IREB2: variants seen among roughly 807,000 people sequenced by gnomAD.
The protein encoded by IREB2 is iron-responsive element-binding protein 2.
Under a neutral mutation model 118.8 loss-of-function variants are expected in IREB2, and 39 were observed. The observed-to-expected ratio is 0.33, with a 90% CI of 0.25 to 0.43. The LOEUF (loss-of-function observed/expected upper bound fraction) is 0.43, where lower values mean the gene tolerates loss of function less well. Ranked by LOEUF, IREB2 falls within the 20% of genes least tolerant of loss-of-function variation. The pLI is 1.00. For synonymous variants in IREB2, 372 were observed against 392.2 expected, an observed-to-expected ratio of 0.95 and a Z score of 0.61; for missense variants, 900 against 1,147.3, an observed-to-expected ratio of 0.78 and a Z score of 3.11.
At position 78,488,704 on chromosome 15, in the gene IREB2, A is replaced by T. The variant is rs763167285; in HGVS notation, c.2009A>T (p.Glu670Val). The change falls in exon 16 of 22, where the codon GAA (glutamate) becomes GTA (valine). Residue 670 changes from glutamate (E) to valine (V), a missense_variant. Glu to Val is a moderately radical substitution (Grantham distance 121). Transcript: ENST00000258886. ...YLHDIWPSRE[E>V]VHRVEEEHVI... ...CATGATATTTGGCCTAGTCGAGAAG[A>T]AGTTCATCGAGTAGAGGAAGAACAT... is the stretch of plus-strand genomic sequence containing the variant. 1 of 1,606,328 alleles carries T rather than the reference A, an allele frequency of 6.2e-7. No individual in the cohort carries two copies. Among genetic ancestry groups the T allele is most frequent in the African/African-American group, 1.3e-5 (1 of 74,768 alleles).
At chr15:78,457,402 A>C (rs763085680) in intron 2 of IREB2, among the ~76,000 whole-genome samples, 2 of 152,136 alleles carry the variant, frequency 1.3e-5, no homozygotes, top group Non-Finnish European at 2.9e-5. Flanking sequence ...CTCTGATTTT[A>C]TAGAGCATGT....
At chr15:78,446,859 T>C (rs138745487) in intron 2 of IREB2, among the ~76,000 whole-genome samples, 13 of 149,388 alleles carry the variant, frequency 8.7e-5, no homozygotes, top group Middle Eastern at 3.4e-3. Flanking sequence ...TGTTGTATAG[T>C]GTTAGCAAAG....
chr15:78,482,104 C>T (rs2051584415), intron 10 of IREB2, among the ~76,000 whole-genome samples: 2 of 152,092 alleles, frequency 1.3e-5, no homozygotes, highest in Non-Finnish European at 2.9e-5. Context: ...GTGGCGCATG[C>T]CTGTAGTCCC....
chr15:78,478,708 A>C (rs1306298874), intron 10 of IREB2, among the ~76,000 whole-genome samples: 1 of 152,184 alleles, frequency 6.6e-6, no homozygotes, highest in East Asian at 1.9e-4. Flanking sequence ...TTGTGTCAAA[A>C]AGGAAAAAAA....
At position 78,490,741 on chromosome 15, in the gene IREB2, T is replaced by G. The variant is rs112562245; in HGVS notation, c.2304T>G (p.Ala768=). The G allele has an allele frequency of 1.5e-5, 25 of 1,614,026 alleles. No homozygotes were observed. The African/African-American group carries it at 2.8e-4, about 18-fold the overall frequency. The change falls in exon 18 of 22, where the codon GCT becomes GCG. Residue 768 remains alanine, a synonymous_variant. Transcript: ENST00000258886. ...GTATCGCTAGGAATAGTGCTGCCGC[T>G]AAGTATTTGACAAACAGAGGGTATG... ...AGSIARNSAA[A]KYLTNRGLTP... is the part of the protein sequence containing the mutation.
chr15:78,451,326 A>T (rs1282491907), intron 2 of IREB2, among the ~76,000 whole-genome samples: 3 of 152,036 alleles, frequency 2.0e-5, no homozygotes, highest in Non-Finnish European at 4.4e-5. Flanking sequence ...ATAGTTTGTC[A>T]GTTCCTTCAA....
chr15:78,448,775 CT>C (rs985604407), intron 2 of IREB2, among the ~76,000 whole-genome samples: 2 of 152,168 alleles, frequency 1.3e-5, no homozygotes, highest in African/African-American at 4.8e-5. Flanking sequence ...CTTTCCCAGT[CT>C]GGACTCCAAA....
intron 5 of IREB2, among the ~76,000 whole-genome samples, chr15:78,469,672 C>T (rs1162843828): frequency 2.0e-5 from 3 of 151,694 alleles, no homozygotes; most frequent in Non-Finnish European, 2.9e-5. Context: ...TGTAGTGAGC[C>T]GAGATCATGT....
intron 2 of IREB2, among the ~76,000 whole-genome samples, chr15:78,460,660 A>G (rs1426643275): frequency 6.6e-6 from 1 of 152,222 alleles, no homozygotes; most frequent in Non-Finnish European, 1.5e-5. Flanking sequence ...TTTAGAAACA[A>G]CAAACAGTTG....
intron 8 of IREB2, chr15:78,475,577 GGGCT>G (rs1409764494): frequency 6.6e-6 from 1 of 152,178 alleles, no homozygotes; most frequent in Non-Finnish European, 1.5e-5. Context: ...AAAGAATAAA[GGGCT>G]GTGTGCAGTG....
intron 2 of IREB2, among the ~76,000 whole-genome samples, chr15:78,447,948 G>A (rs1349406790): frequency 6.6e-6 from 1 of 152,220 alleles, no homozygotes. Context: ...CCAGGTCCCA[G>A]CTATTCATGC....
chr15:78,438,278 C>G lies in IREB2; in HGVS notation c.-60C>G. 7.3e-7 allele frequency: 1 copy of G among 1,363,600 alleles called. No homozygotes were observed. The highest frequency in any genetic ancestry group is 1.0e-6 in the Non-Finnish European group (1 of 972,480). The allele number at this position is 1,363,600 out of a possible 1,614,324, so 84.5% of individuals were successfully genotyped here. Reference sequence around the variant, plus strand: ...TGTCTTCCTCCCCGTCTTCCCTGCCCGGCCTCCCCCTTCTTCCCCCGCTGG... The same window carrying G: ...TGTCTTCCTCCCCGTCTTCCCTGCCGGGCCTCCCCCTTCTTCCCCCGCTGG... On this transcript the variant is annotated 5_prime_UTR_variant, in exon 1 of 22. Coordinates refer to ENST00000258886, the MANE Select transcript of IREB2 (RefSeq NM_004136.4).
intron 20 of IREB2, among the ~76,000 whole-genome samples, chr15:78,495,210 C>T (rs960801878): frequency 6.6e-6 from 1 of 152,104 alleles, no homozygotes; most frequent in Non-Finnish European, 1.5e-5. Flanking sequence ...TTAATATCTC[C>T]TTTAAAATGT....
Position 78,483,313 on chromosome 15 carries a change from C to T in IREB2, c.1297-5C>T. The T allele has an allele frequency of 7.5e-7, 1 of 1,340,064 alleles. No homozygotes were observed. The highest frequency in any genetic ancestry group is 1.1e-6 in the Non-Finnish European group (1 of 933,234). The allele number at this position is 1,340,064 out of a possible 1,614,324, so 83.0% of individuals were successfully genotyped here. ...TCCTTGTTCTTTCTCTTTCTCATTTCTTAGGTGATCCAGATTAATCTGAAT... is the reference window on the plus strand; with the variant it reads ...TCCTTGTTCTTTCTCTTTCTCATTTTTTAGGTGATCCAGATTAATCTGAAT... On this transcript the variant is annotated splice_polypyrimidine_tract_variant and splice_region_variant and intron_variant, in intron 10 of 21. Coordinates refer to ENST00000258886, the MANE Select transcript of IREB2 (RefSeq NM_004136.4).
At chr15:78,496,675 T>A (rs754106605) in intron 20 of IREB2, among the ~76,000 whole-genome samples, 3 of 152,216 alleles carry the variant, frequency 2.0e-5, no homozygotes, top group Non-Finnish European at 2.9e-5. Context: ...ATAATCCTTC[T>A]GCCTCAGCCT....
At chr15:78,467,859 T>C (rs2051311151) in intron 5 of IREB2, among the ~76,000 whole-genome samples, 1 of 150,674 alleles carries the variant, frequency 6.6e-6, no homozygotes, top group Non-Finnish European at 1.5e-5. Context: ...AGTTGGTTTT[T>C]TTTGTTTTGT....
In IREB2 at chr15:78,457,895, A is replaced by G. The variant is rs2051132207; in HGVS notation, c.107-5027A>G. On this transcript the variant is annotated intron_variant, in intron 2 of 21. Transcript: ENST00000258886. Reference sequence around the variant, plus strand: ...TCTCATTATCTCCAAATGTTCTATTAAAAAATTTTTCCCCTGTAATTCCCC... The same window carrying G: ...TCTCATTATCTCCAAATGTTCTATTGAAAAATTTTTCCCCTGTAATTCCCC... Among the ~76,000 whole-genome samples, 4 of 152,130 alleles carry G rather than the reference A, an allele frequency of 2.6e-5. No individual in the cohort carries two copies. The South Asian group carries it at 8.3e-4, about 32-fold the overall frequency.
intron 16 of IREB2, 70 bp downstream of exon 16, chr15:78,488,841 G>T: frequency 2.3e-6 from 2 of 860,306 alleles, no homozygotes. Flanking sequence ...TATATCTTCT[G>T]AATAGAATAA....
chr15:78,440,558 G>C (rs2050829708), intron 2 of IREB2, among the ~76,000 whole-genome samples: 1 of 151,880 alleles, frequency 6.6e-6, no homozygotes, highest in Non-Finnish European at 1.5e-5. Flanking sequence ...GTAGAGTTGG[G>C]GTCTTGCTGT....
Sources: gnomAD v4.1 joint callset for allele counts (sites outside exome capture counted in the v4.1 genomes callset) on GRCh38, gnomAD v4.1.1 for gene constraint, MANE v1.5 for transcripts, NCBI Gene and HGNC (gene_info 2026-07-23, HGNC 2026-07-21) for gene names.